The following HS3ST4 variants were observed in gnomAD, a reference collection of about 807,000 sequenced individuals.
HS3ST4 encodes the protein heparan sulfate glucosamine 3-O-sulfotransferase 4.
HS3ST4 carries 17 observed loss-of-function variants against 29.2 expected under a neutral mutation model. That is an observed-to-expected ratio of 0.58 (90% CI 0.40 to 0.87). The LOEUF (loss-of-function observed/expected upper bound fraction) is 0.87. Ranked by LOEUF, HS3ST4 falls within the 40% of genes least tolerant of loss-of-function variation. HS3ST4 has a pLI of 0.00. For synonymous variants in HS3ST4, 314 were observed against 285.7 expected (o/e 1.10, Z -1.00); for missense variants, 627 against 634.5 (o/e 0.99, Z 0.13).
chr16:25,756,049 C>T (rs1388990775), intron 1 of HS3ST4, among the ~76,000 whole-genome samples: 1 of 151,584 alleles, frequency 6.6e-6, no homozygotes, highest in Non-Finnish European at 1.5e-5. Context: ...ATTCCTTGAT[C>T]TTTAATATGC....
chr16:25,941,532 GTTTT>G (rs1431807275), intron 1 of HS3ST4, among the ~76,000 whole-genome samples: 1 of 151,426 alleles, frequency 6.6e-6, no homozygotes, highest in South Asian at 2.1e-4. Context: ...TTTTCTTTTT[GTTTT>G]TTTGTTTGTT....
intron 1 of HS3ST4, among the ~76,000 whole-genome samples, chr16:25,766,326 A>G (rs576596885): frequency 3.3e-5 from 5 of 152,268 alleles, no homozygotes; most frequent in South Asian, 2.1e-4. Flanking sequence ...CAAGTGGCCA[A>G]TCAGTACAGA....
chr16:25,927,694 T>C (rs527978693), intron 1 of HS3ST4, among the ~76,000 whole-genome samples: 11 of 150,614 alleles, frequency 7.3e-5, no homozygotes. Flanking sequence ...GCTGTTTTTC[T>C]GTTTTTTTTT....
intron 1 of HS3ST4, among the ~76,000 whole-genome samples, chr16:25,977,262 C>G (rs187973486): frequency 6.6e-6 from 1 of 152,168 alleles, no homozygotes; most frequent in Non-Finnish European, 1.5e-5. Context: ...TGGACATCCT[C>G]GGTCCATCAC....
At chr16:25,716,921 G>C (rs4787330) in intron 1 of HS3ST4, among the ~76,000 whole-genome samples, 32,297 of 151,986 alleles carry the variant, frequency 0.21, 3,749 homozygotes, top group South Asian at 0.36. Context: ...GGGCATGATG[G>C]TGCACACCTA....
At chr16:25,961,808 A>G (rs1335856603) in intron 1 of HS3ST4, among the ~76,000 whole-genome samples, 1 of 83,118 alleles carries the variant, frequency 1.2e-5, no homozygotes, top group African/African-American at 7.6e-5. Context: ...GAGTTGGACA[A>G]AAAAAAATTA....
At chr16:26,097,619 C>A (rs114540262) in intron 1 of HS3ST4, among the ~76,000 whole-genome samples, 45 of 152,306 alleles carry the variant, frequency 3.0e-4, no homozygotes, top group African/African-American at 1.1e-3. Context: ...AGACCCAAAA[C>A]TGTAGAAACC....
At chr16:25,996,008 A>G (rs1295379221) in intron 1 of HS3ST4, among the ~76,000 whole-genome samples, 1 of 152,084 alleles carries the variant, frequency 6.6e-6, no homozygotes, top group East Asian at 1.9e-4. Flanking sequence ...CCTTGAAAAA[A>G]AAAAAAAAAA....
intron 1 of HS3ST4, among the ~76,000 whole-genome samples, chr16:26,043,910 C>A (rs1449328305): frequency 6.6e-6 from 1 of 152,210 alleles, no homozygotes; most frequent in Admixed American, 6.5e-5. Flanking sequence ...AGCCCAGGCC[C>A]TTACTAGCAT....
intron 1 of HS3ST4, among the ~76,000 whole-genome samples, chr16:25,700,601 C>G (rs1046796058): frequency 4.6e-5 from 7 of 151,992 alleles, no homozygotes; most frequent in African/African-American, 1.7e-4. Flanking sequence ...TGAAAGATTG[C>G]TAGGGTTGTT....
chr16:25,896,500 A>C (rs761604931), intron 1 of HS3ST4, among the ~76,000 whole-genome samples: 1 of 152,216 alleles, frequency 6.6e-6, no homozygotes, highest in African/African-American at 2.4e-5. Flanking sequence ...AAAAAATAAC[A>C]GATGTTGGCA....
intron 1 of HS3ST4, among the ~76,000 whole-genome samples, chr16:25,922,916 C>T (rs137861546): frequency 9.1e-4 from 139 of 152,312 alleles, no homozygotes; most frequent in Middle Eastern, 3.4e-3. Flanking sequence ...CTGGCTCACT[C>T]AGCTTTGGCA....
chr16:25,887,662 T>C (rs1315197388), intron 1 of HS3ST4, among the ~76,000 whole-genome samples: 1 of 149,542 alleles, frequency 6.7e-6, no homozygotes, highest in Non-Finnish European at 1.5e-5. Flanking sequence ...TGGCTATGGG[T>C]GGAGCATCCC....
At chr16:25,713,180 A>G (rs1450969836) in intron 1 of HS3ST4, among the ~76,000 whole-genome samples, 1 of 151,950 alleles carries the variant, frequency 6.6e-6, no homozygotes, top group Non-Finnish European at 1.5e-5. Context: ...TAAGCCCCGG[A>G]TACCTTAGGT....
chr16:25,811,378 A>G (rs1967039976), intron 1 of HS3ST4, among the ~76,000 whole-genome samples: 3 of 148,382 alleles, frequency 2.0e-5, no homozygotes, highest in African/African-American at 5.0e-5. Flanking sequence ...AATAGTAAAT[A>G]TATTTTCTCT....
intron 1 of HS3ST4, among the ~76,000 whole-genome samples, chr16:25,854,656 C>T (rs1336298175): frequency 6.6e-6 from 1 of 152,032 alleles, no homozygotes; most frequent in Non-Finnish European, 1.5e-5. Context: ...TTTTGCCTCT[C>T]CTGTTGACTT....
intron 1 of HS3ST4, among the ~76,000 whole-genome samples, chr16:26,076,176 T>C (rs1898662227): frequency 6.6e-6 from 1 of 152,156 alleles, no homozygotes; most frequent in Non-Finnish European, 1.5e-5. Flanking sequence ...ACAGATGATA[T>C]ACTAACAGCA....
chr16:25,880,568 G>T (rs904825881), intron 1 of HS3ST4, among the ~76,000 whole-genome samples: 1 of 152,128 alleles, frequency 6.6e-6, no homozygotes, highest in Admixed American at 6.6e-5. Context: ...CCCTTACAAT[G>T]TATAGCCGCT....
chr16:25,723,440 G>T (rs1227061318), intron 1 of HS3ST4, among the ~76,000 whole-genome samples: 2 of 152,104 alleles, frequency 1.3e-5, no homozygotes, highest in African/African-American at 4.8e-5. Flanking sequence ...ACATTGGATG[G>T]TTATTTATAA....
Sources: gnomAD v4.1 joint callset for allele counts (sites outside exome capture counted in the v4.1 genomes callset) on GRCh38, gnomAD v4.1.1 for gene constraint, MANE v1.5 for transcripts, NCBI Gene and HGNC (gene_info 2026-07-23, HGNC 2026-07-21) for gene names.